PUDP: variants seen among roughly 807,000 people sequenced by gnomAD.
The protein encoded by PUDP is pseudouridine 5'-phosphatase, also known as pseudouridine-5'-phosphatase.
PUDP carries 8 observed loss-of-function variants against 9.4 expected under a neutral mutation model. The ratio of observed to expected loss-of-function variants is 0.85; its 90% CI spans 0.50 to 1.53. The LOEUF is 1.53. Among genes scored for constraint, PUDP ranks in the 40% most tolerant of loss-of-function variants. The pLI, the probability that PUDP is intolerant of heterozygous loss-of-function variation, is 0.00. For synonymous variants in PUDP, 99 were observed against 80.7 expected, an observed-to-expected ratio of 1.23 and a Z score of -1.22; for missense variants, 188 against 189.7, an observed-to-expected ratio of 0.99 and a Z score of 0.05.
intron 1 of PUDP, among the ~76,000 whole-genome samples, chrX:7,041,969 TA>T (rs1275211337): frequency 9.3e-6 from 1 of 107,971 alleles, no homozygotes; most frequent in African/African-American, 3.4e-5. Flanking sequence ...GAGTAGCTGG[TA>T]GGGGTGTGAG....
chrX:6,798,702 G>A (rs1925883119), intron 3 of PUDP, among the ~76,000 whole-genome samples: 1 of 111,996 alleles, frequency 8.9e-6, no homozygotes, highest in Non-Finnish European at 1.9e-5. Flanking sequence ...GTAGAATAAT[G>A]GTTAAGTAAA....
intron 3 of PUDP, among the ~76,000 whole-genome samples, chrX:7,064,433 G>GTGGT (rs376005031): frequency 5.4e-5 from 6 of 111,951 alleles, no homozygotes; most frequent in African/African-American, 1.6e-4. Flanking sequence ...TTGTTCAGGT[G>GTGGT]TGGTTTCTCA....
intron 1 of PUDP, among the ~76,000 whole-genome samples, chrX:7,129,942 G>A (rs1160808291): frequency 9.0e-6 from 1 of 111,670 alleles, no homozygotes; most frequent in African/African-American, 3.3e-5. Context: ...TATGTGACAC[G>A]GAGCACCGCC....
intron 2 of PUDP, among the ~76,000 whole-genome samples, chrX:7,081,256 C>G (rs1039575373): frequency 9.0e-6 from 1 of 111,661 alleles, no homozygotes; most frequent in African/African-American, 3.3e-5. Flanking sequence ...GGGCTCAAAA[C>G]GATTCTCCAG....
intron 3 of PUDP, among the ~76,000 whole-genome samples, chrX:6,888,565 A>G (rs749106064): frequency 8.8e-4 from 97 of 110,752 alleles, no homozygotes; most frequent in African/African-American, 3.0e-3. Context: ...CAGGAAAATC[A>G]CTTGAACCCG....
rs769696473 is a variant in PUDP at position 6,790,603 on chromosome X, G to T, written c.*248-84137C>A. On this transcript the variant is annotated intron_variant and NMD_transcript_variant, in intron 3 of 3. Transcript: ENST00000655425. ...CAACATATGTTCTAAATATTTCCTG[G>T]ATCAGACTTATACTAAAAATATGCA... 6.9e-4 allele frequency among the ~76,000 whole-genome samples: 77 copies of T among 112,222 alleles called. 2 individuals are homozygous for T. In the Admixed American group the frequency reaches 7.2e-3, roughly 10 times the overall value.
chrX:7,071,758 C>T (rs1313308783), intron 3 of PUDP, among the ~76,000 whole-genome samples: 5 of 99,321 alleles, frequency 5.0e-5, no homozygotes, highest in African/African-American at 1.8e-4. Flanking sequence ...CCTAAGTCAC[C>T]ACCCAGAATG....
intron 3 of PUDP, among the ~76,000 whole-genome samples, chrX:6,849,608 G>A (rs1215096007): frequency 9.0e-6 from 1 of 111,580 alleles, no homozygotes; most frequent in Admixed American, 9.6e-5. Flanking sequence ...TTATACATAT[G>A]CATTTAATCA....
chrX:6,865,465 A>T (rs1267002799), intron 3 of PUDP, among the ~76,000 whole-genome samples: 1 of 112,308 alleles, frequency 8.9e-6, no homozygotes, highest in African/African-American at 3.2e-5. Flanking sequence ...AAGAAATATT[A>T]TAACACTTTT....
intron 1 of PUDP, among the ~76,000 whole-genome samples, chrX:6,987,566 C>T (rs1018829843): frequency 3.6e-5 from 4 of 112,150 alleles, no homozygotes; most frequent in African/African-American, 1.3e-4. Flanking sequence ...CATTGTATAT[C>T]GTGACCCACA....
At chrX:7,122,661 C>T (rs1301407134) in intron 1 of PUDP, among the ~76,000 whole-genome samples, 3 of 111,782 alleles carry the variant, frequency 2.7e-5, no homozygotes, top group South Asian at 3.8e-4. Context: ...AGCTATCCCG[C>T]GCAATTGCTC....
chrX:6,801,183 C>A (rs1925926548), intron 3 of PUDP, among the ~76,000 whole-genome samples: 1 of 112,291 alleles, frequency 8.9e-6, no homozygotes. Context: ...TGAAAGCCCA[C>A]ATAATTTTGT....
chrX:6,883,739 G>A (rs1056053191), intron 3 of PUDP, among the ~76,000 whole-genome samples: 2 of 111,398 alleles, frequency 1.8e-5, no homozygotes, highest in Non-Finnish European at 3.8e-5. Context: ...CTATTTCCTT[G>A]TGCTCAGTTT....
At chrX:7,130,885 C>CA (rs1474940371) in intron 1 of PUDP, among the ~76,000 whole-genome samples, 1 of 111,256 alleles carries the variant, frequency 9.0e-6, no homozygotes, top group Non-Finnish European at 1.9e-5. Flanking sequence ...GACTCTGTCT[C>CA]AAAAAATAAT....
chrX:6,950,593 G>T (rs12841059), intron 3 of PUDP, among the ~76,000 whole-genome samples: 21,644 of 103,993 alleles, frequency 0.21, 1,949 homozygotes, highest in Admixed American at 0.35. Context: ...TGTATTTTTA[G>T]TGTAGACAGG....
At chrX:6,825,698 G>A (rs1297707378) in intron 3 of PUDP, among the ~76,000 whole-genome samples, 1 of 110,593 alleles carries the variant, frequency 9.0e-6, no homozygotes, top group Non-Finnish European at 1.9e-5. Context: ...GCCAGTCTGT[G>A]AGCAGAGTAC....
chrX:6,941,161 T>C (rs1928392589), intron 3 of PUDP, among the ~76,000 whole-genome samples: 2 of 110,820 alleles, frequency 1.8e-5, no homozygotes, highest in Non-Finnish European at 3.8e-5. Flanking sequence ...TGATTGTGTA[T>C]CTACTATGTA....
At chrX:7,055,747 C>A (rs1323449950) in intron 3 of PUDP, among the ~76,000 whole-genome samples, 1 of 110,491 alleles carries the variant, frequency 9.1e-6, no homozygotes, top group African/African-American at 3.3e-5. Context: ...TATCTTGGAA[C>A]AACTGTGTCT....
intron 3 of PUDP, among the ~76,000 whole-genome samples, chrX:6,909,728 G>A (rs755544160): frequency 4.5e-5 from 5 of 111,976 alleles, no homozygotes; most frequent in African/African-American, 1.6e-4. Context: ...AGGAGTCAGC[G>A]TGGATTTTGA....
Sources: gnomAD v4.1 joint callset for allele counts (sites outside exome capture counted in the v4.1 genomes callset) on GRCh38, gnomAD v4.1.1 for gene constraint, MANE v1.5 for transcripts, NCBI Gene and HGNC (gene_info 2026-07-23, HGNC 2026-07-21) for gene names.